REPS2: variants seen among roughly 807,000 people sequenced by gnomAD.
REPS2 encodes the protein ralBP1-associated Eps domain-containing protein 2.
Under a neutral mutation model 53.6 loss-of-function variants are expected in REPS2, and 23 were observed. The ratio of observed to expected loss-of-function variants is 0.43; its 90% confidence interval spans 0.31 to 0.61. The LOEUF is 0.61. Ranked by LOEUF, REPS2 falls within the 20% of genes least tolerant of loss-of-function variation. The pLI, the probability that REPS2 is intolerant of heterozygous loss-of-function variation, is 0.11. For synonymous variants in REPS2, 238 were observed against 218.6 expected, an observed-to-expected ratio of 1.09 and a Z score of -0.78; for missense variants, 446 against 534.9, an observed-to-expected ratio of 0.83 and a Z score of 1.64.
the REPS2 span, among the ~76,000 whole-genome samples, chrX:17,160,179 A>G: frequency 8.9e-6 from 1 of 112,670 alleles, no homozygotes; most frequent in Non-Finnish European, 1.9e-5. Context: ...TGTTGAAGGT[A>G]CACATTGGTT....
intron 16 of REPS2, chrX:17,137,381 T>C (rs2063385989): frequency 8.9e-6 from 1 of 112,180 alleles, no homozygotes; most frequent in Non-Finnish European, 1.9e-5. Context: ...GCTAACGACA[T>C]TGATCATCTT....
chrX:17,027,195 GA>G (rs2061656024), intron 4 of REPS2, among the ~76,000 whole-genome samples: 1 of 111,329 alleles, frequency 9.0e-6, no homozygotes, highest in Non-Finnish European at 1.9e-5. Flanking sequence ...TGCCAGAGAT[GA>G]CCCTCTCCGG....
intron 1 of REPS2, among the ~76,000 whole-genome samples, chrX:16,998,491 C>G (rs2147779270): frequency 8.9e-6 from 1 of 111,901 alleles, no homozygotes; most frequent in South Asian, 3.7e-4. Flanking sequence ...GTGCACCTTG[C>G]TTTTTTTCTT....
chrX:17,018,271 C>A (rs2061526440), intron 2 of REPS2, among the ~76,000 whole-genome samples: 1 of 105,349 alleles, frequency 9.5e-6, no homozygotes, highest in African/African-American at 3.6e-5. Context: ...ACTGCTACCT[C>A]TGCCTCCCAG....
chrX:17,006,129 A>G, intron 1 of REPS2, 92 bp from the exon 2 acceptor site: 1 of 1,038,438 alleles, frequency 9.6e-7, no homozygotes, highest in African/African-American at 1.8e-5. Context: ...GTTAGCCACT[A>G]GGTGAAATCC....
At chrX:16,969,000 C>G (rs1483606889) in intron 1 of REPS2, among the ~76,000 whole-genome samples, 1 of 110,615 alleles carries the variant, frequency 9.0e-6, no homozygotes, top group Non-Finnish European at 1.9e-5. Flanking sequence ...GGGCTCCTCA[C>G]TTTTCAGACG....
At chrX:16,997,515 G>A (rs1411540346) in intron 1 of REPS2, among the ~76,000 whole-genome samples, 1 of 112,538 alleles carries the variant, frequency 8.9e-6, no homozygotes, top group East Asian at 2.8e-4. Flanking sequence ...CTGTGGTGAT[G>A]CATGCCTGCA....
intron 1 of REPS2, among the ~76,000 whole-genome samples, chrX:16,964,620 C>A (rs1205045344): frequency 9.2e-6 from 1 of 108,817 alleles, no homozygotes; most frequent in Non-Finnish European, 1.9e-5. Context: ...GCAGAGGCGC[C>A]CCTCACCTCC....
intron 9 of REPS2, 70 bp downstream of exon 9, chrX:17,062,602 C>A (rs2062173634): frequency 1.3e-6 from 1 of 767,075 alleles, no homozygotes; most frequent in Non-Finnish European, 1.8e-6. Context: ...ATGTTCTTTA[C>A]AAATTCTGGA....
intron 5 of REPS2, among the ~76,000 whole-genome samples, chrX:17,031,906 T>G (rs1172205527): frequency 8.9e-6 from 1 of 112,546 alleles, no homozygotes; most frequent in Non-Finnish European, 1.9e-5. Context: ...TATCCCATTT[T>G]CAGATGTCAG....
At chrX:17,095,204 C>T (rs150592284) in intron 13 of REPS2, among the ~76,000 whole-genome samples, 1,600 of 112,029 alleles carry the variant, frequency 0.014, 27 homozygotes, top group African/African-American at 0.049. Flanking sequence ...CTGGCCAGGC[C>T]ATCCTGTTGG....
chrX:16,955,337 C>T (rs1419753329), intron 1 of REPS2, among the ~76,000 whole-genome samples: 1 of 111,452 alleles, frequency 9.0e-6, no homozygotes. Flanking sequence ...GGGATGGTCA[C>T]CCCCTCTCTT....
chrX:17,047,517 C>G, intron 6 of REPS2, 35 bp downstream of exon 6: 1 of 1,182,855 alleles, frequency 8.5e-7, no homozygotes, highest in Non-Finnish European at 1.1e-6. Flanking sequence ...TCACTCTCAC[C>G]AGAACATAGC....
intron 1 of REPS2, among the ~76,000 whole-genome samples, chrX:16,974,415 G>A (rs907779289): frequency 9.0e-6 from 1 of 111,119 alleles, no homozygotes; most frequent in Non-Finnish European, 1.9e-5. Context: ...GGAGGCTGAG[G>A]CAGGTGGATT....
chrX:17,043,304 C>G (rs917278368), intron 5 of REPS2, among the ~76,000 whole-genome samples: 1 of 111,189 alleles, frequency 9.0e-6, no homozygotes, highest in Non-Finnish European at 1.9e-5. Context: ...AGGAACTCTC[C>G]TTGCCCACTT....
intron 14 of REPS2, among the ~76,000 whole-genome samples, chrX:17,121,695 C>T (rs1054691307): frequency 7.2e-5 from 8 of 111,873 alleles, no homozygotes; most frequent in Non-Finnish European, 1.3e-4. Flanking sequence ...TACAGGAAAT[C>T]GGCTCTACTG....
At chrX:17,183,390 A>G in the REPS2 span, among the ~76,000 whole-genome samples, 1 of 112,448 alleles carries the variant, frequency 8.9e-6, no homozygotes, top group Non-Finnish European at 1.9e-5. Context: ...TGTCAATTAA[A>G]AATAAAATTA....
At chrX:17,176,361 G>A in the REPS2 span, among the ~76,000 whole-genome samples, 4 of 110,851 alleles carry the variant, frequency 3.6e-5, no homozygotes, top group Admixed American at 9.6e-5. Flanking sequence ...GATGGCTTCC[G>A]AAGCTAACTA....
chrX:17,149,029 G>T lies in REPS2; in HGVS notation c.*1548G>T, dbSNP rs1462118445. On this transcript the variant is annotated 3_prime_UTR_variant, in exon 18 of 18. Transcript: ENST00000357277. Reference sequence around the variant, plus strand: ...AATAGCTTAATGGCAGAGGATAAAGGCTCAAACAGATGATGTTTTTTCCAC... The same window carrying T: ...AATAGCTTAATGGCAGAGGATAAAGTCTCAAACAGATGATGTTTTTTCCAC... 2.7e-6 allele frequency: 1 copy of T among 366,762 alleles called. No homozygotes were observed. Among genetic ancestry groups the T allele is most frequent in the East Asian group, 7.6e-5 (1 of 13,217 alleles). 30.2% of individuals were successfully genotyped at this position (366,762 alleles called of 1,213,427 possible). A position where few individuals can be genotyped will look rare whatever the true frequency, so the allele number is the denominator to read the frequency against.
Sources: gnomAD v4.1 joint callset for allele counts (sites outside exome capture counted in the v4.1 genomes callset) on GRCh38, gnomAD v4.1.1 for gene constraint, MANE v1.5 for transcripts, NCBI Gene and HGNC (gene_info 2026-07-23, HGNC 2026-07-21) for gene names.